Variants in DMRT1 observed in about 807,000 individuals in gnomAD.
The protein encoded by DMRT1 is doublesex and mab-3 related transcription factor 1, also known as doublesex- and mab-3-related transcription factor 1.
Under a neutral mutation model 32.3 loss-of-function variants are expected in DMRT1, and 7 were observed. That is an observed-to-expected ratio of 0.22 (90% CI 0.12 to 0.41). The LOEUF is 0.41. DMRT1 is among the 10% of genes least tolerant of loss of function. The pLI, the probability that DMRT1 is intolerant of heterozygous loss-of-function variation, is 1.00. For synonymous variants in DMRT1, 278 were observed against 206.1 expected (o/e 1.35, Z -2.99); for missense variants, 625 against 500.5 (o/e 1.25, Z -2.37).
At chr9:859,466 G>T (rs1367445337) in intron 2 of DMRT1, among the ~76,000 whole-genome samples, 1 of 152,166 alleles carries the variant, frequency 6.6e-6, no homozygotes, top group East Asian at 1.9e-4. Flanking sequence ...CTCTCTCACG[G>T]AGTCTTGACT....
chr9:943,701 G>C (rs1378430943), intron 4 of DMRT1, among the ~76,000 whole-genome samples: 1 of 152,188 alleles, frequency 6.6e-6, no homozygotes, highest in Non-Finnish European at 1.5e-5. Context: ...TCAGGGAGGA[G>C]TGTTGGAAAT....
At chr9:938,697 A>T (rs1042061288) in intron 4 of DMRT1, among the ~76,000 whole-genome samples, 1 of 152,290 alleles carries the variant, frequency 6.6e-6, no homozygotes, top group South Asian at 2.1e-4. Context: ...GTGAACAAAG[A>T]TAATTGTACT....
intron 2 of DMRT1, among the ~76,000 whole-genome samples, chr9:878,740 T>C (rs1008396984): frequency 1.3e-5 from 2 of 152,190 alleles, no homozygotes. Flanking sequence ...CGTGTTGTGA[T>C]TGTGATAACA....
chr9:900,942 T>G (rs1007838024), intron 3 of DMRT1, among the ~76,000 whole-genome samples: 2 of 152,084 alleles, frequency 1.3e-5, no homozygotes, highest in African/African-American at 4.8e-5. Flanking sequence ...GCCTCCTGCC[T>G]CAGCCTCTAG....
chr9:861,050 C>CTTTTTTTTT (rs140608243), intron 2 of DMRT1, among the ~76,000 whole-genome samples: 2 of 121,398 alleles, frequency 1.6e-5, no homozygotes, highest in African/African-American at 3.0e-5. Context: ...AATTTACTTT[C>CTTTTTTTTT]TTTTTTTTTT....
At chr9:865,501 T>C (rs1815941057) in intron 2 of DMRT1, among the ~76,000 whole-genome samples, 1 of 152,288 alleles carries the variant, frequency 6.6e-6, no homozygotes, top group Middle Eastern at 3.4e-3. Flanking sequence ...AAAATACCTT[T>C]GTACACTGTG....
In DMRT1 at chr9:968,392, G is replaced by C; in HGVS notation, c.*253G>C. The C allele has an allele frequency of 2.3e-6, 1 of 439,692 alleles. No individual in the cohort carries two copies. The highest frequency in any genetic ancestry group is 4.1e-6 in the Non-Finnish European group (1 of 242,668). 27.2% of individuals were successfully genotyped at this position (439,692 alleles called of 1,614,324 possible). On this transcript the variant is annotated 3_prime_UTR_variant, in exon 5 of 5. Coordinates refer to ENST00000382276, the MANE Select transcript of DMRT1 (RefSeq NM_021951.3). Reference sequence around the variant, plus strand: ...AGTGTTCATTTTTTTAATGACACTGGTTTCATGTAGTTTTCAAGAAATAAA... The same window carrying C: ...AGTGTTCATTTTTTTAATGACACTGCTTTCATGTAGTTTTCAAGAAATAAA...
In DMRT1 at chr9:847,099, C is replaced by T; in HGVS notation, c.494C>T (p.Thr165Ile). 1.2e-6 allele frequency: 2 copies of T among 1,613,706 alleles called. No homozygotes were observed. The highest frequency in any genetic ancestry group is 1.7e-6 in the Non-Finnish European group (2 of 1,180,046). Residue 165 changes from threonine to isoleucine, a missense_variant, in exon 2 of 5, where the codon ACC (threonine) becomes ATC (isoleucine). Around this residue, in one of 3 missense-constraint regions of DMRT1, gnomAD observed 416 missense variants for 321.6 expected, o/e 1.29. Coordinates refer to ENST00000382276, the MANE Select transcript of DMRT1 (RefSeq NM_021951.3). ...TGCCTCATGACTGAGTGCAGTGGCA[C>T]CTCTCAGCCACCGCCGGCCAGTGTC... Reference protein sequence around the residue: ...NPCLMTECSGTSQPPPASVPT... With the variant: ...NPCLMTECSGISQPPPASVPT...
chr9:927,470 G>T (rs1818565971), intron 4 of DMRT1, among the ~76,000 whole-genome samples: 1 of 152,198 alleles, frequency 6.6e-6, no homozygotes, highest in South Asian at 2.1e-4. Context: ...GTATATCATT[G>T]CCCGGCGCGG....
chr9:858,810 G>T (rs1337779697), intron 2 of DMRT1, among the ~76,000 whole-genome samples: 1 of 149,796 alleles, frequency 6.7e-6, no homozygotes. Context: ...GGAGTCGGAG[G>T]TTGCAGTGAG....
intron 2 of DMRT1, among the ~76,000 whole-genome samples, chr9:848,878 G>A (rs150738848): frequency 6.9e-4 from 26 of 37,884 alleles, no homozygotes; most frequent in Middle Eastern, 0.02. Context: ...TCATAGGAAG[G>A]AAGGAGTGTA....
At chr9:901,569 C>T (rs142211386) in intron 3 of DMRT1, among the ~76,000 whole-genome samples, 1,929 of 150,414 alleles carry the variant, frequency 0.013, 18 homozygotes, top group South Asian at 0.032. Context: ...TCAGGTGATC[C>T]GCCTGCCTTG....
chr9:929,078 A>G (rs951242507), intron 4 of DMRT1, among the ~76,000 whole-genome samples: 10 of 152,088 alleles, frequency 6.6e-5, no homozygotes, highest in Non-Finnish European at 1.2e-4. Context: ...ATCTCAAGTG[A>G]TCTGCCTGCC....
Position 861,845 on chromosome 9 carries a change from G to A in DMRT1, c.538+14702G>A, listed in dbSNP as rs557389775. ...TCAGACGGGGCGGCCGGTCAGAGAC[G>A]CTCCTCACCTCCCAGACGGGGTCGC... is the stretch of plus-strand genomic sequence containing the variant. On this transcript the variant is annotated intron_variant, in intron 2 of 4. Transcript: ENST00000382276. 4.5e-3 allele frequency among the ~76,000 whole-genome samples: 666 copies of A among 148,746 alleles called. 13 individuals are homozygous for A. The highest frequency in any genetic ancestry group is 0.015 in the African/African-American group (596 of 40,152).
rs570699063 is a variant in DMRT1 at position 968,827 on chromosome 9, G to C, written c.*688G>C. The stretch of plus-strand genomic sequence containing the variant: ...GCAGAGTTCCTGAGTGGTGTTTGTA[G>C]AATGAGTTTATCATACATTCTTTCT... On this transcript the variant is annotated 3_prime_UTR_variant, in exon 5 of 5. Transcript: ENST00000382276. 3.3e-5 allele frequency: 5 copies of C among 152,872 alleles called. No homozygotes were observed. Among genetic ancestry groups the C allele is most frequent in the African/African-American group, 1.2e-4 (5 of 41,578 alleles). 9.5% of individuals were successfully genotyped at this position (152,872 alleles called of 1,614,324 possible).
intron 4 of DMRT1, among the ~76,000 whole-genome samples, chr9:962,933 G>A (rs1169406401): frequency 6.6e-6 from 1 of 152,136 alleles, no homozygotes; most frequent in African/African-American, 2.4e-5. Flanking sequence ...CTGACATGCT[G>A]TAGAAGGATG....
intron 2 of DMRT1, among the ~76,000 whole-genome samples, chr9:882,247 G>T (rs1816761411): frequency 6.6e-6 from 1 of 152,134 alleles, no homozygotes; most frequent in African/African-American, 2.4e-5. Flanking sequence ...AAGTTTCTCT[G>T]GGGGTGTGAA....
intron 4 of DMRT1, among the ~76,000 whole-genome samples, chr9:920,179 G>T (rs1818309690): frequency 6.6e-6 from 1 of 152,112 alleles, no homozygotes; most frequent in Non-Finnish European, 1.5e-5. Context: ...ATGAAGATTT[G>T]GGGGTTCAGT....
chr9:953,444 A>G (rs1318167402), intron 4 of DMRT1, among the ~76,000 whole-genome samples: 1 of 152,190 alleles, frequency 6.6e-6, no homozygotes, highest in Non-Finnish European at 1.5e-5. Context: ...TTTCACATAC[A>G]TGCATTTATT....
Sources: allele counts gnomAD v4.1 joint callset (sites outside exome capture counted in the v4.1 genomes callset), GRCh38; gene constraint gnomAD v4.1.1; regional missense constraint gnomAD v4.1.1; transcripts MANE v1.5; gene names NCBI Gene and HGNC (gene_info 2026-07-23, HGNC 2026-07-21).